The following VGLL4 variants were observed in gnomAD, a reference collection of about 807,000 sequenced individuals.
VGLL4 encodes vestigial like family member 4, also known as transcription cofactor vestigial-like protein 4.
A neutral mutation model predicts 21.0 loss-of-function variants in VGLL4; 7 were observed. That is an observed-to-expected ratio of 0.33 (90% CI 0.19 to 0.63). The LOEUF (loss-of-function observed/expected upper bound fraction) is 0.63, where lower values mean the gene tolerates loss of function less well. Ranked by LOEUF, VGLL4 falls within the 20% of genes least tolerant of loss-of-function variation. VGLL4 has a pLI of 0.78. For missense variants in VGLL4, 394 were observed against 425.7 expected, an observed-to-expected ratio of 0.93 and a Z score of 0.66; for synonymous variants, 222 against 173.2, an observed-to-expected ratio of 1.28 and a Z score of -2.21.
rs1304219014 is a variant in VGLL4, at chr3:11,601,841, G to A, written c.264C>T (p.Asn88=). The A allele has an allele frequency of 2.5e-6, 4 of 1,613,678 alleles. No individual in the cohort carries two copies. In the South Asian group the frequency reaches 4.4e-5, roughly 18 times the overall value. ...DHVSKMSRIF[N]PHLNKTANGD... is the part of the protein sequence containing the mutation. ...AGAACAGAGGAACTCACAGATGGGG[G>A]TTGAAGATGCGACTCATTTTGGAGA... Residue 88 remains asparagine, a synonymous_variant, in exon 2 of 5, where the codon AAC becomes AAT. Coordinates refer to ENST00000430365, the MANE Select transcript of VGLL4 (RefSeq NM_001128219.3).
At chr3:11,596,462 G>A (rs1275760172) in intron 2 of VGLL4, among the ~76,000 whole-genome samples, 1 of 152,190 alleles carries the variant, frequency 6.6e-6, no homozygotes, top group Non-Finnish European at 1.5e-5. Flanking sequence ...CTGCAGGAGT[G>A]GACCATGAGT....
intron 1 of VGLL4, chr3:11,633,146 G>GGCTA (rs1309421443): frequency 6.6e-6 from 1 of 152,118 alleles, no homozygotes; most frequent in Non-Finnish European, 1.5e-5. Context: ...AGTATCCTTG[G>GGCTA]GCTAGTCAGG....
intron 1 of VGLL4, among the ~76,000 whole-genome samples, chr3:11,640,530 T>G (rs2075669790): frequency 6.6e-6 from 1 of 152,186 alleles, no homozygotes; most frequent in Admixed American, 6.5e-5. Context: ...TCATCATTAG[T>G]GAAGGGAATT....
upstream of VGLL4, among the ~76,000 whole-genome samples, chr3:11,644,157 G>A (rs1441320130): frequency 6.6e-6 from 1 of 152,142 alleles, no homozygotes; most frequent in Non-Finnish European, 1.5e-5. Flanking sequence ...GAAAACCCAG[G>A]AAGTTTCTTT....
intron 2 of VGLL4, among the ~76,000 whole-genome samples, chr3:11,681,468 C>A (rs2076370024): frequency 6.6e-6 from 1 of 152,196 alleles, no homozygotes; most frequent in African/African-American, 2.4e-5. Context: ...GCGTTGGGAG[C>A]CCGCTGTGAT....
At chr3:11,600,359 GAAAAGA>G (rs903042227) in intron 2 of VGLL4, among the ~76,000 whole-genome samples, 1 of 130,138 alleles carries the variant, frequency 7.7e-6, no homozygotes, top group African/African-American at 3.2e-5. Context: ...TCTTACTTAT[GAAAAGA>G]AAAAGAAAAA....
At chr3:11,601,068 G>A (rs1232768545) in intron 2 of VGLL4, among the ~76,000 whole-genome samples, 6 of 152,180 alleles carry the variant, frequency 3.9e-5, no homozygotes. Flanking sequence ...GGTGTGTGCC[G>A]AGAGGAGAGT....
rs568100227 is a variant in VGLL4, at chr3:11,642,988, G to GT, written c.82+448dup. On this transcript the variant is annotated intron_variant, in intron 1 of 4. Transcript: ENST00000430365. ...TCACTCGCGAGCACAAAAACTCGCT[G>GT]TAACTTTGGCTCCCCCTCCGTGAGC... Among the ~76,000 whole-genome samples, 728 of 152,266 alleles carry GT rather than the reference G, an allele frequency of 4.8e-3. 6 individuals are homozygous for GT. The highest frequency in any genetic ancestry group is 8.7e-3 in the Non-Finnish European group (591 of 68,016).
chr3:11,604,317 G>A lies in VGLL4; in HGVS notation c.83-2295C>T. 8.1e-6 allele frequency: 7 copies of A among 860,268 alleles called. 2 individuals carry two copies. The highest frequency in any genetic ancestry group is 9.4e-6 in the Non-Finnish European group (7 of 741,380). 53.3% of individuals were successfully genotyped at this position (860,268 alleles called of 1,614,324 possible). On this transcript the variant is annotated intron_variant, in intron 1 of 4. Coordinates refer to ENST00000430365, the MANE Select transcript of VGLL4 (RefSeq NM_001128219.3). The stretch of plus-strand genomic sequence containing the variant: ...GAAGCTGTGCCCCAAAACATAGCGT[G>A]ACTTACCCAAGATCCTCCAGTTAAC...
In VGLL4 at chr3:11,574,816, T is replaced by A. The variant is rs552330838; in HGVS notation, c.273-9797A>T. On this transcript the variant is annotated intron_variant, in intron 2 of 4. Coordinates refer to ENST00000430365, the MANE Select transcript of VGLL4 (RefSeq NM_001128219.3). ...GTGTGTGTGTGTGTGTGTGTGTGTG[T>A]GTGTGTGTGTGTGTGTGTGTGTATT... Among the ~76,000 whole-genome samples, 186 of 151,142 alleles carry A rather than the reference T, an allele frequency of 1.2e-3. 1 individual carries two copies. The highest frequency in any genetic ancestry group is 4.3e-3 in the African/African-American group (177 of 41,204).
intron 2 of VGLL4, among the ~76,000 whole-genome samples, chr3:11,661,691 C>T (rs920190778): frequency 6.6e-6 from 1 of 152,060 alleles, no homozygotes; most frequent in African/African-American, 2.4e-5. Context: ...ATGCTGGTCT[C>T]CAATCCCTGA....
intron 1 of VGLL4, among the ~76,000 whole-genome samples, chr3:11,621,953 T>G (rs961581711): frequency 7.2e-5 from 11 of 152,212 alleles, no homozygotes; most frequent in African/African-American, 2.4e-4. Flanking sequence ...TTTGGAGAAT[T>G]GTCTATTCAA....
At chr3:11,715,650 T>C (rs745804667) in intron 1 of VGLL4, among the ~76,000 whole-genome samples, 1 of 152,156 alleles carries the variant, frequency 6.6e-6, no homozygotes, top group Non-Finnish European at 1.5e-5. Flanking sequence ...TTGTTATTCA[T>C]AGTAGTTGTG....
At chr3:11,651,677 G>A (rs1260848750) in intron 2 of VGLL4, among the ~76,000 whole-genome samples, 1 of 151,656 alleles carries the variant, frequency 6.6e-6, no homozygotes, top group African/African-American at 2.4e-5. Context: ...TGAGTTAAAG[G>A]AGAAACCAAA....
intron 2 of VGLL4, among the ~76,000 whole-genome samples, chr3:11,571,404 C>A (rs1186269583): frequency 6.6e-6 from 1 of 152,192 alleles, no homozygotes; most frequent in Non-Finnish European, 1.5e-5. Context: ...CATAAAGGGG[C>A]CAGGTGCAGT....
intron 2 of VGLL4, among the ~76,000 whole-genome samples, chr3:11,657,824 A>C (rs1305266455): frequency 2.0e-5 from 3 of 152,222 alleles, no homozygotes; most frequent in African/African-American, 7.2e-5. Flanking sequence ...GCTGCCATAA[A>C]GAAAATTATG....
intron 2 of VGLL4, among the ~76,000 whole-genome samples, chr3:11,590,428 CAAG>C (rs2074460014): frequency 6.6e-6 from 1 of 152,094 alleles, no homozygotes. Context: ...TAGGTCTCTT[CAAG>C]AAGAAAGGCA....
intron 1 of VGLL4, among the ~76,000 whole-genome samples, chr3:11,710,940 A>C (rs2076833466): frequency 6.6e-6 from 1 of 151,834 alleles, no homozygotes; most frequent in African/African-American, 2.4e-5. Context: ...TCTCTACTAA[A>C]AATACAAAAA....
At chr3:11,563,595 G>A (rs2073230768) in intron 3 of VGLL4, among the ~76,000 whole-genome samples, 1 of 152,212 alleles carries the variant, frequency 6.6e-6, no homozygotes, top group South Asian at 2.1e-4. Flanking sequence ...TAAATGGTGA[G>A]CGCTCGTAAA....
Sources: allele counts gnomAD v4.1 joint callset (sites outside exome capture counted in the v4.1 genomes callset), GRCh38; gene constraint gnomAD v4.1.1; transcripts MANE v1.5; gene names NCBI Gene and HGNC (gene_info 2026-07-23, HGNC 2026-07-21).